COG1: variants seen among roughly 807,000 people sequenced by gnomAD.
The protein encoded by COG1 is conserved oligomeric Golgi complex subunit 1.
A neutral mutation model predicts 102.2 loss-of-function variants in COG1; 61 were observed. The ratio of observed to expected loss-of-function variants is 0.60; its 90% CI spans 0.49 to 0.74. The LOEUF (loss-of-function observed/expected upper bound fraction) is 0.74, where lower values mean the gene tolerates loss of function less well. Among genes scored for constraint, COG1 ranks in the 30% least tolerant of loss-of-function variants. The pLI is 0.00. For synonymous variants in COG1, 454 were observed against 493.6 expected, an observed-to-expected ratio of 0.92 and a Z score of 1.06; for missense variants, 1,164 against 1,232.1, an observed-to-expected ratio of 0.94 and a Z score of 0.83.
chr17:73,208,286 A>T lies in COG1; in HGVS notation c.2806-28A>T, dbSNP rs907361057. 7 of 1,612,418 alleles carry T rather than the reference A, an allele frequency of 4.3e-6. No homozygotes were observed. In the South Asian group the frequency reaches 7.7e-5, roughly 18 times the overall value. ...GGCAGGAGGGCTCAGGCCAACTCTA[A>T]GGCACTTTTCTCTACATCCAATGGC... On this transcript the variant is annotated intron_variant, in intron 13 of 13. Transcript: ENST00000299886.
Position 73,207,036 on chromosome 17 carries a change from T to C in COG1, c.2730-145T>C. ...TGAACCCAGGAGGCGGAGCTTGCAG[T>C]GAGCCGAGATTGCGCCACTGCACTC... On this transcript the variant is annotated intron_variant, in intron 12 of 13. Coordinates refer to ENST00000299886, the MANE Select transcript of COG1 (RefSeq NM_018714.3). 3 of 752,218 alleles carry C rather than the reference T, an allele frequency of 4.0e-6. No homozygotes were observed. The Admixed American group carries it at 7.3e-5, about 18-fold the overall frequency. 46.6% of individuals were successfully genotyped at this position (752,218 alleles called of 1,614,324 possible).
At chr17:73,198,277 A>G (rs1203440264) in intron 4 of COG1, among the ~76,000 whole-genome samples, 1 of 152,178 alleles carries the variant, frequency 6.6e-6, no homozygotes. Context: ...TTAAGTAGAA[A>G]TGGAGCTGGT....
At position 73,201,456 on chromosome 17, in the gene COG1, G is replaced by A; in HGVS notation, c.1629G>A (p.Leu543=). Residue 543 remains leucine, a synonymous_variant, in exon 7 of 14, where the codon CTG becomes CTA. Transcript: ENST00000299886. ...LAYLPSDDSS[L]PKDVSPTQAK... The stretch of plus-strand genomic sequence containing the variant: ...ACCTCCCCTCTGATGACTCATCACT[G>A]CCCAAGGACGTTTCTCCCACACAGG... 2 of 1,614,258 alleles carry A rather than the reference G, an allele frequency of 1.2e-6. No homozygotes were observed. Among genetic ancestry groups the A allele is most frequent in the Non-Finnish European group, 1.7e-6 (2 of 1,180,050 alleles).
intron 4 of COG1, 111 bp downstream of exon 4, chr17:73,197,507 G>T (rs2061330473): frequency 1.7e-6 from 2 of 1,174,776 alleles, no homozygotes; most frequent in South Asian, 2.5e-5. Flanking sequence ...GCAGTGAACT[G>T]GACAAATAGA....
intron 4 of COG1, among the ~76,000 whole-genome samples, chr17:73,199,512 T>A (rs1412589489): frequency 6.6e-6 from 1 of 152,196 alleles, no homozygotes; most frequent in Non-Finnish European, 1.5e-5. Flanking sequence ...ATTTCAGAAG[T>A]CCAGTTTGAC....
chr17:73,201,433 C>G lies in COG1; in HGVS notation c.1606C>G (p.Leu536Val). The change falls in exon 7 of 14, where the codon CTC becomes GTC. Residue 536 changes from leucine (L) to valine (V), a missense_variant. Physicochemically the swap from Leu to Val is conservative, Grantham distance 32 (BLOSUM62 1). Transcript: ENST00000299886. ...TAAACTAGATGACCTCCTGGCTTAC[C>G]TCCCCTCTGATGACTCATCACTGCC... is the stretch of plus-strand genomic sequence containing the variant. ...KVKLDDLLAY[L>V]PSDDSSLPKD... 3 of 1,614,246 alleles carry G rather than the reference C, an allele frequency of 1.9e-6. No individual in the cohort carries two copies. The highest frequency in any genetic ancestry group is 2.5e-6 in the Non-Finnish European group (3 of 1,180,036).
intron 4 of COG1, among the ~76,000 whole-genome samples, chr17:73,198,205 T>C (rs1350085361): frequency 6.6e-5 from 10 of 151,908 alleles, no homozygotes; most frequent in Admixed American, 5.9e-4. Flanking sequence ...CGGACGTCTG[T>C]TTAGGAGGAG....
In COG1 at chr17:73,196,702, TC is replaced by T; in HGVS notation, c.514del (p.Arg172GlyfsTer44). ...TAGTTCCCGATACAGTCCCGTCCTC[TC>T]CCGGTTTCCTATACTCATCCGGCAG... is the stretch of plus-strand genomic sequence containing the variant. ...SSSSRYSPVLSRFPILIRQVA... is the reference protein window; with the variant it reads ...SSSSRYSPVLXRFPILIRQVA... On this transcript the variant is annotated frameshift_variant, in exon 2 of 14. Coordinates refer to ENST00000299886, the MANE Select transcript of COG1 (RefSeq NM_018714.3). LOFTEE classifies it high-confidence loss of function. 6.2e-7 allele frequency: 1 copy of T among 1,614,122 alleles called. No homozygotes were observed.
intron 12 of COG1, 120 bp downstream of exon 12, chr17:73,206,937 AC>A: frequency 2.5e-6 from 2 of 800,324 alleles, no homozygotes; most frequent in South Asian, 3.0e-5. Context: ...TAAAAAAAAT[AC>A]AAAAAATTAG....
At chr17:73,206,354 T>A in intron 11 of COG1, 92 bp downstream of exon 11, 2 of 974,144 alleles carry the variant, frequency 2.1e-6, no homozygotes, top group Admixed American at 3.5e-5. Context: ...TACTCCAGGA[T>A]GCAGCATAGG....
At chr17:73,200,109 T>A in intron 5 of COG1, 88 bp downstream of exon 5, 1 of 1,473,216 alleles carries the variant, frequency 6.8e-7, no homozygotes, top group African/African-American at 1.4e-5. Context: ...GCGAGGCATG[T>A]GCAGAAAGCC....
intron 8 of COG1, 111 bp downstream of exon 8, chr17:73,203,257 T>C: frequency 7.3e-7 from 1 of 1,362,382 alleles, no homozygotes; most frequent in South Asian, 1.2e-5. Context: ...GAAAGTAACA[T>C]CTGTAATTTT....
In COG1 at chr17:73,201,449, C is replaced by T; in HGVS notation, c.1622C>T (p.Ser541Leu). The change falls in exon 7 of 14, where the codon TCA (serine) becomes TTA (leucine). Residue 541 changes from serine to leucine, a missense_variant. Physicochemically the swap from Ser to Leu is moderately radical, Grantham distance 145 (BLOSUM62 -2). Coordinates refer to ENST00000299886, the MANE Select transcript of COG1 (RefSeq NM_018714.3). The part of the protein sequence containing the change: ...DLLAYLPSDD[S>L]SLPKDVSPTQ... ...CTGGCTTACCTCCCCTCTGATGACT[C>T]ATCACTGCCCAAGGACGTTTCTCCC... 2 of 1,614,254 alleles carry T rather than the reference C, an allele frequency of 1.2e-6. No individual in the cohort carries two copies. The highest frequency in any genetic ancestry group is 1.7e-6 in the Non-Finnish European group (2 of 1,180,048).
chr17:73,196,784 T>C, intron 2 of COG1, 33 bp downstream of exon 2: 2 of 1,614,094 alleles, frequency 1.2e-6, no homozygotes, highest in Non-Finnish European at 1.7e-6. Flanking sequence ...GCTGCTCTGG[T>C]GGTGGCCAGG....
At chr17:73,198,971 T>C (rs1310208024) in intron 4 of COG1, among the ~76,000 whole-genome samples, 2 of 152,354 alleles carry the variant, frequency 1.3e-5, no homozygotes, top group East Asian at 1.9e-4. Context: ...CACCTCCTTA[T>C]GCTTCGCTTT....
intron 13 of COG1, 94 bp from the exon 14 acceptor site, chr17:73,208,220 T>TGCCGTGTGGAC: frequency 6.2e-7 from 1 of 1,602,214 alleles, no homozygotes; most frequent in Non-Finnish European, 8.5e-7. Context: ...CGCTTGTGTG[T>TGCCGTGTGGAC]GCCGTGTGGA....
chr17:73,197,500 G>A (rs1291527183), intron 4 of COG1, 104 bp downstream of exon 4: 61 of 1,251,062 alleles, frequency 4.9e-5, no homozygotes, highest in Non-Finnish European at 6.4e-5. Context: ...GGATGGAGCA[G>A]TGAACTGGAC....
chr17:73,203,994 A>G (rs2061357875), intron 9 of COG1, among the ~76,000 whole-genome samples: 1 of 152,176 alleles, frequency 6.6e-6, no homozygotes, highest in South Asian at 2.1e-4. Flanking sequence ...CTAAAGGGTC[A>G]GCAGATCTTC....
Position 73,199,884 on chromosome 17 carries a change from G to T in COG1, c.933G>T (p.Leu311=). 6.2e-7 allele frequency: 1 copy of T among 1,614,214 alleles called. No homozygotes were observed. Residue 311 remains leucine, a synonymous_variant, in exon 5 of 14, where the codon CTG becomes CTT. Coordinates refer to ENST00000299886, the MANE Select transcript of COG1 (RefSeq NM_018714.3). ...QHPAGKGTGV[L]QEEMKLCSWF... ...CTTTAGGAAAGGGCACTGGTGTCCT[G>T]CAGGAAGAGATGAAACTCTGCAGCT...
Sources: allele counts gnomAD v4.1 joint callset (sites outside exome capture counted in the v4.1 genomes callset), GRCh38; gene constraint gnomAD v4.1.1; transcripts MANE v1.5; gene names NCBI Gene and HGNC (gene_info 2026-07-23, HGNC 2026-07-21).